GABRB3: variants seen among roughly 807,000 people sequenced by gnomAD.
GABRB3 encodes gamma-aminobutyric acid receptor subunit beta-3.
A neutral mutation model predicts 52.1 loss-of-function variants in GABRB3; 14 were observed. The ratio of observed to expected loss-of-function variants is 0.27; its 90% confidence interval spans 0.18 to 0.42. The LOEUF (loss-of-function observed/expected upper bound fraction) is 0.42, where lower values mean the gene tolerates loss of function less well. GABRB3 is among the 10% of genes least tolerant of loss of function. GABRB3 has a pLI of 1.00. For missense variants in GABRB3, 307 were observed against 609.1 expected, an observed-to-expected ratio of 0.50 and a Z score of 5.22; for synonymous variants, 260 against 232.3, an observed-to-expected ratio of 1.12 and a Z score of -1.08.
chr15:26,675,398 T>A (rs1265759653), intron 3 of GABRB3, among the ~76,000 whole-genome samples: 1 of 152,146 alleles, frequency 6.6e-6, no homozygotes, highest in Non-Finnish European at 1.5e-5. Flanking sequence ...GTTTAAAGAC[T>A]GGATGACTCT....
At chr15:26,709,906 A>G (rs934842020) in intron 3 of GABRB3, among the ~76,000 whole-genome samples, 2 of 152,172 alleles carry the variant, frequency 1.3e-5, no homozygotes, top group African/African-American at 2.4e-5. Context: ...CCAGTTTTAG[A>G]AAATTTCCAT....
rs1889217147 is a variant in GABRB3, at chr15:26,545,868, G to T, written c.*1925C>A. 6.6e-6 allele frequency: 1 copy of T among 152,602 alleles called. No individual in the cohort carries two copies. Among genetic ancestry groups the T allele is most frequent in the South Asian group, 2.1e-4 (1 of 4,830 alleles). The allele number at this position is 152,602 out of a possible 1,614,324, so 9.5% of individuals were successfully genotyped here. A position where few individuals can be genotyped will look rare whatever the true frequency, so the allele number is the denominator to read the frequency against. On this transcript the variant is annotated 3_prime_UTR_variant, in exon 9 of 9. Transcript: ENST00000311550. ...AGATAGGAATGAAAGAGGGAAAAGG[G>T]TCTAAAAGTAGGTAATTGCCTCTAG...
rs59776523 is a variant in GABRB3 at position 26,771,462 on chromosome 15, A to G, written c.240+940T>C. On this transcript the variant is annotated intron_variant, in intron 3 of 8. Transcript: ENST00000311550. ...ATTCTCAATGTTGTATGTCCGAAAG[A>G]AAAGTTGCCAAACAATTTCTTCCAA... Among the ~76,000 whole-genome samples the G allele has an allele frequency of 2.0e-3, 302 of 152,326 alleles. 1 individual carries two copies. Among genetic ancestry groups the G allele is most frequent in the African/African-American group, 6.4e-3 (265 of 41,562 alleles).
intron 4 of GABRB3, chr15:26,614,125 A>C (rs1420152885): frequency 6.6e-6 from 1 of 152,162 alleles, no homozygotes; most frequent in Non-Finnish European, 1.5e-5. Context: ...TCATTTTGGA[A>C]ATGGTCAGGA....
At chr15:26,771,069 G>A (rs1010873866) in intron 3 of GABRB3, among the ~76,000 whole-genome samples, 1 of 152,136 alleles carries the variant, frequency 6.6e-6, no homozygotes, top group African/African-American at 2.4e-5. Flanking sequence ...TAGATTAACA[G>A]TGAAAAATTA....
rs76408313 is a variant in GABRB3, at chr15:26,647,735, G to C, written c.241-26201C>G. ...GATGTTCTCAAGAGATGAAACCAAA[G>C]CCAGGCCACAGCAGGACCTGTGGGA... On this transcript the variant is annotated intron_variant, in intron 3 of 8. Coordinates refer to ENST00000311550, the MANE Select transcript of GABRB3 (RefSeq NM_000814.6). 1.6e-3 allele frequency among the ~76,000 whole-genome samples: 246 copies of C among 152,244 alleles called. 2 individuals are homozygous for C. Among genetic ancestry groups the C allele is most frequent in the African/African-American group, 5.8e-3 (241 of 41,540 alleles).
At chr15:26,703,091 G>C (rs139983298) in intron 3 of GABRB3, among the ~76,000 whole-genome samples, 17 of 152,280 alleles carry the variant, frequency 1.1e-4, no homozygotes, top group African/African-American at 3.8e-4. Context: ...TCTGACATCA[G>C]GATCTAATCA....
At chr15:26,582,811 G>A (rs551898480) in intron 5 of GABRB3, among the ~76,000 whole-genome samples, 5 of 152,332 alleles carry the variant, frequency 3.3e-5, no homozygotes, top group Admixed American at 3.3e-4. Flanking sequence ...AGGAGGTGTA[G>A]TTTAGGTAGC....
intron 3 of GABRB3, among the ~76,000 whole-genome samples, chr15:26,699,568 C>A (rs751274187): frequency 6.6e-6 from 1 of 151,186 alleles, no homozygotes; most frequent in Non-Finnish European, 1.5e-5. Flanking sequence ...AGTCTATTCT[C>A]GATACTCAAA....
At chr15:26,651,284 C>T (rs977180229) in intron 3 of GABRB3, among the ~76,000 whole-genome samples, 3 of 152,244 alleles carry the variant, frequency 2.0e-5, no homozygotes, top group African/African-American at 7.2e-5. Flanking sequence ...TGTTCACACA[C>T]TCCCTCCCAC....
At chr15:26,596,653 TA>T (rs201040028) in intron 4 of GABRB3, among the ~76,000 whole-genome samples, 1 of 151,584 alleles carries the variant, frequency 6.6e-6, no homozygotes, top group Admixed American at 6.6e-5. Context: ...CTGCAGAACA[TA>T]AAAAAAGAGA....
chr15:26,723,148 G>A (rs932512934), intron 3 of GABRB3, among the ~76,000 whole-genome samples: 1 of 151,918 alleles, frequency 6.6e-6, no homozygotes, highest in African/African-American at 2.4e-5. Flanking sequence ...ACAAATCAGA[G>A]GAAAAAAATC....
chr15:26,581,795 C>T (rs943390289), intron 5 of GABRB3, among the ~76,000 whole-genome samples: 1 of 152,330 alleles, frequency 6.6e-6, no homozygotes, highest in Non-Finnish European at 1.5e-5. Context: ...CGCAATCACT[C>T]ACTATGCTTT....
intron 3 of GABRB3, among the ~76,000 whole-genome samples, chr15:26,732,222 ATGGATGGG>A (rs1889939919): frequency 6.6e-6 from 1 of 151,398 alleles, no homozygotes; most frequent in Admixed American, 6.6e-5. Context: ...GGATGAATGG[ATGGATGGG>A]TGGACAGATG....
At position 26,543,818 on chromosome 15, in the gene GABRB3, A is replaced by G. The variant is rs1056974093; in HGVS notation, c.*3975T>C. 6.6e-6 allele frequency: 1 copy of G among 152,622 alleles called. No homozygotes were observed. The highest frequency in any genetic ancestry group is 2.4e-5 in the African/African-American group (1 of 41,456). 9.5% of individuals were successfully genotyped at this position (152,622 alleles called of 1,614,324 possible). A position where few individuals can be genotyped will look rare whatever the true frequency, so the allele number is the denominator to read the frequency against. Reference sequence around the variant, plus strand: ...GACTTGTGAAGTAGAAACATGAGACAAACGTGACAAAACATGTTCATGGGG... The same window carrying G: ...GACTTGTGAAGTAGAAACATGAGACGAACGTGACAAAACATGTTCATGGGG... On this transcript the variant is annotated 3_prime_UTR_variant, in exon 9 of 9. Transcript: ENST00000311550.
rs190632377 is a variant in GABRB3, at chr15:26,686,453, A to G, written c.241-64919T>C. 3.5e-3 allele frequency among the ~76,000 whole-genome samples: 531 copies of G among 152,356 alleles called. 3 individuals carry two copies. The highest frequency in any genetic ancestry group is 0.012 in the African/African-American group (516 of 41,586). On this transcript the variant is annotated intron_variant, in intron 3 of 8. Coordinates refer to ENST00000311550, the MANE Select transcript of GABRB3 (RefSeq NM_000814.6). ...TGATACTGATAAATAACTAAGTGAT[A>G]CTGATAAATAACAGTATGAGATCCA...
intron 4 of GABRB3, among the ~76,000 whole-genome samples, chr15:26,598,997 G>A (rs551459688): frequency 6.6e-6 from 1 of 152,188 alleles, no homozygotes; most frequent in Non-Finnish European, 1.5e-5. Flanking sequence ...CACTGCCCAG[G>A]CAGGGAGACT....
At chr15:26,555,353 C>A (rs868651511) in intron 8 of GABRB3, among the ~76,000 whole-genome samples, 2 of 152,060 alleles carry the variant, frequency 1.3e-5, no homozygotes, top group African/African-American at 4.8e-5. Flanking sequence ...AGGAACTGCA[C>A]AGGGAGAATG....
chr15:26,744,938 A>C (rs1010990427), intron 3 of GABRB3, among the ~76,000 whole-genome samples: 1 of 152,204 alleles, frequency 6.6e-6, no homozygotes. Flanking sequence ...AAGGAAAAGA[A>C]GCTTAATTGG....
Sources: allele counts gnomAD v4.1 joint callset (sites outside exome capture counted in the v4.1 genomes callset), GRCh38; gene constraint gnomAD v4.1.1; transcripts MANE v1.5; gene names NCBI Gene and HGNC (gene_info 2026-07-23, HGNC 2026-07-21).